The following TRIM5 variants were observed in gnomAD, a reference collection of about 807,000 sequenced individuals.
TRIM5 encodes tripartite motif-containing protein 5.
TRIM5 carries 31 observed loss-of-function variants against 35.6 expected under a neutral mutation model. The observed-to-expected ratio is 0.87, with a 90% confidence interval of 0.65 to 1.18. The LOEUF (loss-of-function observed/expected upper bound fraction) is 1.18, where lower values mean the gene tolerates loss of function less well. Ranked by LOEUF, TRIM5 falls within the 50% of genes most tolerant of loss-of-function variation. The pLI is 0.00. For synonymous variants in TRIM5, 243 were observed against 215.6 expected, an observed-to-expected ratio of 1.13 and a Z score of -1.11; for missense variants, 609 against 591.6, an observed-to-expected ratio of 1.03 and a Z score of -0.31.
At chr11:5,661,821 C>T (rs1850836695), downstream of TRIM5, among the ~76,000 whole-genome samples, 1 of 152,142 alleles carries the variant, frequency 6.6e-6, no homozygotes, top group South Asian at 2.1e-4. Flanking sequence ...ATTACTAGGG[C>T]CAGGAGCATC....
chr11:5,608,398 T>C, the TRIM5 span: 3 of 1,613,608 alleles, frequency 1.9e-6, no homozygotes, highest in Non-Finnish European at 2.5e-6. Context: ...CAGAAAGGTA[T>C]GTGTAAGGAG....
At chr11:5,591,337 T>G in the TRIM5 span, among the ~76,000 whole-genome samples, 1 of 152,166 alleles carries the variant, frequency 6.6e-6, no homozygotes, top group Non-Finnish European at 1.5e-5. Flanking sequence ...TTATTGCAAG[T>G]AGACTGGCAA....
the TRIM5 span, chr11:5,643,358 C>T: frequency 1.2e-6 from 2 of 1,613,958 alleles, no homozygotes; most frequent in South Asian, 2.2e-5. Flanking sequence ...CATATTCCCG[C>T]CATATGAAGT....
chr11:5,592,914 C>CAAAAAAAAAAAA, the TRIM5 span, among the ~76,000 whole-genome samples: 12 of 67,084 alleles, frequency 1.8e-4, no homozygotes, highest in East Asian at 4.6e-4. Context: ...GAGATTGTCT[C>CAAAAAAAAAAAA]AAAAAAAAAA....
At chr11:5,643,035 C>CCCAGAGGAGAAATATTGGG in the TRIM5 span, 1 of 1,288,726 alleles carries the variant, frequency 7.8e-7, no homozygotes. Flanking sequence ...CAAGTTCGTT[C>CCCAGAGGAGAAATATTGGG]ATCACCATGT....
At position 5,665,035 on chromosome 11, in the gene TRIM5, T is replaced by C. The variant is rs370992292; in HGVS notation, c.1256A>G (p.His419Arg). The C allele has an allele frequency of 1.1e-5, 18 of 1,614,102 alleles. No individual in the cohort carries two copies. Among genetic ancestry groups the C allele is most frequent in the South Asian group, 8.8e-5 (8 of 91,080 alleles). The change falls in exon 8 of 8, where the codon CAT (histidine) becomes CGT (arginine). Residue 419 changes from histidine (H) to arginine (R), a missense_variant. Coordinates refer to ENST00000380034, the MANE Select transcript of TRIM5 (RefSeq NM_033034.3). ...KCSAFQDSSF[H>R]TPSVPFIVPL... ...CACAATGAAAGGAACAGAAGGAGTA[T>C]GGAAGGAACTATCCTGGAAAGCACT...
the TRIM5 span, chr11:5,608,404 A>T: frequency 1.9e-6 from 3 of 1,613,542 alleles, no homozygotes; most frequent in Non-Finnish European, 2.5e-6. Flanking sequence ...GGTATGTGTA[A>T]GGAGAACATG....
chr11:5,628,281 A>C, the TRIM5 span, among the ~76,000 whole-genome samples: 9 of 152,196 alleles, frequency 5.9e-5, no homozygotes, highest in African/African-American at 2.2e-4. Flanking sequence ...TATTGGTTGG[A>C]TACTGATTGG....
At chr11:5,604,775 T>A in the TRIM5 span, 1 of 758,910 alleles carries the variant, frequency 1.3e-6, no homozygotes, top group Non-Finnish European at 2.0e-6. Context: ...CTATATTCCT[T>A]CCAAACAGGG....
the TRIM5 span, among the ~76,000 whole-genome samples, chr11:5,640,715 A>T: frequency 1.3e-5 from 2 of 152,130 alleles, no homozygotes; most frequent in Non-Finnish European, 2.9e-5. Context: ...TAACTTATGA[A>T]GTTTTGATAT....
the TRIM5 span, chr11:5,643,333 G>T: frequency 6.2e-7 from 1 of 1,613,858 alleles, no homozygotes; most frequent in Middle Eastern, 1.6e-4. Context: ...TGGATCCTGG[G>T]GGTATACTGT....
At chr11:5,650,685 G>A in the TRIM5 span, among the ~76,000 whole-genome samples, 1 of 152,072 alleles carries the variant, frequency 6.6e-6, no homozygotes, top group African/African-American at 2.4e-5. Context: ...TTTTTTGTTG[G>A]AGCGCTACTG....
At chr11:5,643,125 A>ATATATTTT in the TRIM5 span, 403 of 973,958 alleles carry the variant, frequency 4.1e-4, no homozygotes, top group Non-Finnish European at 4.6e-4. Flanking sequence ...ATATATATAT[A>ATATATTTT]TTTTTTTTTT....
At chr11:5,595,103 T>C in the TRIM5 span, 1 of 152,210 alleles carries the variant, frequency 6.6e-6, no homozygotes, top group Admixed American at 6.5e-5. Flanking sequence ...CAGAGAAATC[T>C]CTTGATACTT....
chr11:5,624,620 TGATGTTTTG>T, the TRIM5 span, among the ~76,000 whole-genome samples: 161 of 152,322 alleles, frequency 1.1e-3, no homozygotes, highest in African/African-American at 3.8e-3. Flanking sequence ...ACAGCACTAT[TGATGTTTTG>T]GAATGGATCA....
At chr11:5,595,598 A>T in the TRIM5 span, among the ~76,000 whole-genome samples, 3 of 152,222 alleles carry the variant, frequency 2.0e-5, no homozygotes, top group African/African-American at 7.2e-5. Context: ...ATGATATTAG[A>T]AAGCTACAGT....
chr11:5,666,272 T>A (rs1212036725), intron 5 of TRIM5, 191 bp from the exon 6 acceptor site: 2 of 669,330 alleles, frequency 3.0e-6, no homozygotes, highest in Non-Finnish European at 5.5e-6. Context: ...CCCACTTACT[T>A]TCTGTGAGAA....
chr11:5,676,918 G>A (rs1289347509), intron 4 of TRIM5, among the ~76,000 whole-genome samples: 1 of 150,282 alleles, frequency 6.7e-6, no homozygotes, highest in Non-Finnish European at 1.5e-5. Context: ...AGCTGAAACT[G>A]GATCCCTTCC....
chr11:5,594,236 A>T, the TRIM5 span, among the ~76,000 whole-genome samples: 1 of 152,194 alleles, frequency 6.6e-6, no homozygotes, highest in Non-Finnish European at 1.5e-5. Context: ...TAGAGAAAAT[A>T]AAAACTGCCT....
Sources: allele counts gnomAD v4.1 joint callset (sites outside exome capture counted in the v4.1 genomes callset), GRCh38; gene constraint gnomAD v4.1.1; transcripts MANE v1.5; gene names NCBI Gene and HGNC (gene_info 2026-07-23, HGNC 2026-07-21).